Variants in FRMPD1 observed in about 807,000 individuals in gnomAD.
FRMPD1 encodes the protein FERM and PDZ domain-containing protein 1.
A neutral mutation model predicts 117.8 loss-of-function variants in FRMPD1; 76 were observed. That is an observed-to-expected ratio of 0.65 (90% CI 0.54 to 0.78). The LOEUF (loss-of-function observed/expected upper bound fraction) is 0.78, where lower values mean the gene tolerates loss of function less well. Ranked by LOEUF, FRMPD1 falls within the 30% of genes least tolerant of loss-of-function variation. FRMPD1 has a pLI of 0.00. For synonymous variants in FRMPD1, 783 were observed against 770.4 expected, an observed-to-expected ratio of 1.02 and a Z score of -0.27; for missense variants, 1,786 against 1,964.5, an observed-to-expected ratio of 0.91 and a Z score of 1.72.
chr9:37,670,859 G>C (rs1821327197), intron 1 of FRMPD1, among the ~76,000 whole-genome samples: 1 of 152,188 alleles, frequency 6.6e-6, no homozygotes, highest in Admixed American at 6.5e-5. Flanking sequence ...TGTTTAATTG[G>C]GAGGTAATTG....
chr9:37,701,052 G>A (rs1822512314), intron 2 of FRMPD1, among the ~76,000 whole-genome samples: 1 of 152,178 alleles, frequency 6.6e-6, no homozygotes, highest in Non-Finnish European at 1.5e-5. Flanking sequence ...GCTAGAACAT[G>A]GCCTTTGGGG....
chr9:37,636,564 G>A, the FRMPD1 span: 1 of 688,048 alleles, frequency 1.5e-6, no homozygotes, highest in Middle Eastern at 3.7e-4. Flanking sequence ...GAGATGGGGA[G>A]CCCAGGACAC....
At chr9:37,727,329 C>G (rs62533908) in intron 7 of FRMPD1, among the ~76,000 whole-genome samples, 4,938 of 152,132 alleles carry the variant, frequency 0.032, 114 homozygotes, top group Middle Eastern at 0.092. Context: ...GTTTTGCAGG[C>G]CACAGGGTCT....
At chr9:37,623,460 A>C in the FRMPD1 span, among the ~76,000 whole-genome samples, 1 of 152,174 alleles carries the variant, frequency 6.6e-6, no homozygotes, top group African/African-American at 2.4e-5. Flanking sequence ...TTTTCGCTGA[A>C]CCTTGAAGTC....
chr9:37,664,593 A>G (rs1249588805), intron 1 of FRMPD1, among the ~76,000 whole-genome samples: 1 of 151,840 alleles, frequency 6.6e-6, no homozygotes, highest in African/African-American at 2.4e-5. Context: ...TTCCTGTGTT[A>G]GTTTGCTGAG....
rs1262412539 is a variant in FRMPD1, at chr9:37,737,242, AG to A, written c.1549+1del. The stretch of plus-strand genomic sequence containing the variant: ...AAGCGCACCGGGTATCTGCAGAAGA[AG>A]GTGAGGCACTGAGTCTTGCCCCAAT... ...QQAHRVSAEE[G>X]YESRACSDSE... On this transcript the variant is annotated frameshift_variant and splice_region_variant, in exon 14 of 16. Transcript: ENST00000377765. LOFTEE classifies it high-confidence loss of function. The A allele has an allele frequency of 1.9e-6, 3 of 1,613,984 alleles. No homozygotes were observed. The African/African-American group carries it at 4.0e-5, about 22-fold the overall frequency.
intron 1 of FRMPD1, among the ~76,000 whole-genome samples, chr9:37,684,121 T>C (rs977804521): frequency 1.3e-5 from 2 of 151,692 alleles, no homozygotes; most frequent in Non-Finnish European, 2.9e-5. Context: ...GTGGGGGAGA[T>C]GAAGTTGGCG....
In FRMPD1 at chr9:37,744,506, G is replaced by A. The variant is rs757737628; in HGVS notation, c.2474G>A (p.Arg825Lys). Residue 825 changes from arginine to lysine, a missense_variant, in exon 16 of 16, where the codon AGG becomes AAG. Physicochemically the swap from Arg to Lys is conservative, Grantham distance 26. Coordinates refer to ENST00000377765, the MANE Select transcript of FRMPD1 (RefSeq NM_014907.3). The part of the protein sequence containing the change: ...CGPDGRQPSR[R>K]GGVKKYAKTL... ...CCAGATGGAAGACAGCCAAGCAGGA[G>A]GGGAGGGGTGAAGAAATATGCCAAG... The A allele has an allele frequency of 1.9e-6, 3 of 1,614,128 alleles. No homozygotes were observed. Among genetic ancestry groups the A allele is most frequent in the Admixed American group, 1.7e-5 (1 of 60,022 alleles).
chr9:37,673,664 G>A (rs1348158563), intron 1 of FRMPD1, among the ~76,000 whole-genome samples: 1 of 152,238 alleles, frequency 6.6e-6, no homozygotes, highest in Non-Finnish European at 1.5e-5. Flanking sequence ...GGGCATCCAG[G>A]CATTTCCATA....
intron 1 of FRMPD1, among the ~76,000 whole-genome samples, chr9:37,682,728 A>G (rs571163578): frequency 2.1e-4 from 32 of 152,298 alleles, no homozygotes; most frequent in Non-Finnish European, 4.0e-4. Context: ...GGTGCTTCTA[A>G]TGCTTATAGG....
chr9:37,654,585 A>G (rs1422737147), intron 1 of FRMPD1, among the ~76,000 whole-genome samples: 2 of 152,250 alleles, frequency 1.3e-5, no homozygotes, highest in Non-Finnish European at 2.9e-5. Flanking sequence ...GGATAACTGA[A>G]TGAGTCGATA....
At chr9:37,638,025 TC>T in the FRMPD1 span, among the ~76,000 whole-genome samples, 3 of 91,592 alleles carry the variant, frequency 3.3e-5, no homozygotes, top group Non-Finnish European at 4.7e-5. Flanking sequence ...TCTTTCTTTC[TC>T]TCTCTTTCTT....
the FRMPD1 span, chr9:37,636,559 G>A: frequency 3.0e-6 from 2 of 661,082 alleles, no homozygotes; most frequent in African/African-American, 1.8e-5. Flanking sequence ...AGAGGGAGAT[G>A]GGGAGCCCAG....
chr9:37,628,341 G>T, the FRMPD1 span, among the ~76,000 whole-genome samples: 1 of 152,110 alleles, frequency 6.6e-6, no homozygotes, highest in Non-Finnish European at 1.5e-5. Flanking sequence ...AAATGTGAAG[G>T]AAACACTTGG....
intron 1 of FRMPD1, among the ~76,000 whole-genome samples, chr9:37,669,516 G>A (rs1245602913): frequency 2.0e-5 from 3 of 152,156 alleles, no homozygotes; most frequent in Non-Finnish European, 4.4e-5. Context: ...CCATGTGTTT[G>A]ACACCCAGGG....
chr9:37,745,618 C>T lies in FRMPD1; in HGVS notation c.3586C>T (p.Gln1196Ter). The change falls in exon 16 of 16, where the codon CAA (glutamine) becomes TAA (stop). Residue 1196 changes from glutamine (Q) to a stop codon, truncating the protein, a stop_gained. Transcript: ENST00000377765. LOFTEE classifies it high-confidence loss of function. ...REPPGQGCQAQEQKLFVELDL... is the reference protein window; with the variant it reads ...REPPGQGCQA The stretch of plus-strand genomic sequence containing the variant: ...ACCCCCAGGGCAAGGCTGCCAGGCT[C>T]AAGAACAAAAACTATTCGTAGAGTT... 2 of 1,614,190 alleles carry T rather than the reference C, an allele frequency of 1.2e-6. No individual in the cohort carries two copies. The highest frequency in any genetic ancestry group is 1.7e-6 in the Non-Finnish European group (2 of 1,180,030).
the FRMPD1 span, among the ~76,000 whole-genome samples, chr9:37,606,436 T>C: frequency 6.6e-6 from 1 of 152,204 alleles, no homozygotes; most frequent in African/African-American, 2.4e-5. Flanking sequence ...AGAAGTATTC[T>C]GGGTTGGATG....
At chr9:37,698,069 G>A (rs574836064) in intron 2 of FRMPD1, among the ~76,000 whole-genome samples, 70 of 152,304 alleles carry the variant, frequency 4.6e-4, no homozygotes, top group South Asian at 2.1e-4. Flanking sequence ...AGCCAAGATC[G>A]TGCCACTGCA....
intron 4 of FRMPD1, among the ~76,000 whole-genome samples, chr9:37,709,542 A>G (rs964132989): frequency 6.6e-6 from 1 of 152,008 alleles, no homozygotes; most frequent in Non-Finnish European, 1.5e-5. Context: ...GTGACAGAAC[A>G]AGACTCCATC....
Sources: allele counts gnomAD v4.1 joint callset (sites outside exome capture counted in the v4.1 genomes callset), GRCh38; gene constraint gnomAD v4.1.1; transcripts MANE v1.5; gene names NCBI Gene and HGNC (gene_info 2026-07-23, HGNC 2026-07-21).